TRDN: variants seen among roughly 807,000 people sequenced by gnomAD.
TRDN encodes the protein triadin.
Under a neutral mutation model 149.7 loss-of-function variants are expected in TRDN, and 161 were observed. The ratio of observed to expected loss-of-function variants is 1.08; its 90% CI spans 0.95 to 1.23. The LOEUF (loss-of-function observed/expected upper bound fraction) is 1.23. TRDN is among the 50% of genes most tolerant of loss of function. TRDN has a pLI of 0.00. For synonymous variants in TRDN, 294 were observed against 250.5 expected (o/e 1.17, Z -1.64); for missense variants, 896 against 823.5 (o/e 1.09, Z -1.08).
intron 12 of TRDN, among the ~76,000 whole-genome samples, chr6:123,400,167 G>GTATATATATATATATATATATA (rs374126829): frequency 0.016 from 1,962 of 122,850 alleles, 28 homozygotes; most frequent in Admixed American, 0.029. Flanking sequence ...ATATGTATGT[G>GTATATATATATATATATATATA]TATATATATA....
rs188420666 is a variant in TRDN at position 123,241,471 on chromosome 6, G to A, written c.1975+10941C>T. 3.1e-4 allele frequency among the ~76,000 whole-genome samples: 47 copies of A among 151,282 alleles called. 1 individual carries two copies. The South Asian group carries it at 4.4e-3, about 14-fold the overall frequency. On this transcript the variant is annotated intron_variant, in intron 38 of 40. Coordinates refer to ENST00000334268, the MANE Select transcript of TRDN (RefSeq NM_006073.4). The stretch of plus-strand genomic sequence containing the variant: ...ACTAATTTTCAAAGTGCTTAATTCT[G>A]ACATCTAAAATATCTATTATACTCT...
intron 20 of TRDN, among the ~76,000 whole-genome samples, chr6:123,361,921 A>G (rs367572219): frequency 6.6e-6 from 1 of 152,124 alleles, no homozygotes; most frequent in African/African-American, 2.4e-5. Context: ...ATACATCTCC[A>G]GCCTATCATT....
intron 23 of TRDN, among the ~76,000 whole-genome samples, chr6:123,319,036 C>A (rs760069370): frequency 4.6e-5 from 7 of 151,924 alleles, no homozygotes; most frequent in Non-Finnish European, 1.0e-4. Context: ...TAAAAGCAAG[C>A]TCATTTCCTA....
At chr6:123,635,136 G>T (rs529265572) in intron 1 of TRDN, among the ~76,000 whole-genome samples, 1 of 151,960 alleles carries the variant, frequency 6.6e-6, no homozygotes, top group African/African-American at 2.4e-5. Context: ...TAAGACGCTC[G>T]TAGCTATCTT....
intron 2 of TRDN, among the ~76,000 whole-genome samples, chr6:123,552,502 A>G (rs538885228): frequency 4.9e-4 from 75 of 152,246 alleles, no homozygotes; most frequent in Admixed American, 2.5e-3. Context: ...ACATTGGCAC[A>G]CAATGGTTAC....
chr6:123,495,399 A>G (rs929389947), intron 9 of TRDN, among the ~76,000 whole-genome samples: 3 of 151,850 alleles, frequency 2.0e-5, no homozygotes, highest in Non-Finnish European at 4.4e-5. Flanking sequence ...GGGGCCTGTA[A>G]TCCCAGCTAC....
intron 9 of TRDN, among the ~76,000 whole-genome samples, chr6:123,475,090 A>C (rs937390367): frequency 7.4e-5 from 11 of 147,676 alleles, no homozygotes; most frequent in African/African-American, 2.7e-4. Flanking sequence ...AGATACAAAA[A>C]ACCCTTCAAA....
intron 12 of TRDN, among the ~76,000 whole-genome samples, chr6:123,415,456 T>G (rs1773611135): frequency 6.6e-6 from 1 of 152,204 alleles, no homozygotes; most frequent in African/African-American, 2.4e-5. Context: ...CCATAGAACT[T>G]GCAGGTGACT....
At position 123,584,394 on chromosome 6, in the gene TRDN, TGCCTAG is replaced by T. The variant is rs1175196220; in HGVS notation, c.23-13268_23-13263del. Among the ~76,000 whole-genome samples, 160 of 112,854 alleles carry T rather than the reference TGCCTAG, an allele frequency of 1.4e-3. 1 individual carries two copies. Among genetic ancestry groups the T allele is most frequent in the African/African-American group, 3.9e-3 (151 of 38,940 alleles). 74.0% of individuals were successfully genotyped at this position (112,854 alleles called of 152,430 possible). On this transcript the variant is annotated intron_variant, in intron 1 of 40. Coordinates refer to ENST00000334268, the MANE Select transcript of TRDN (RefSeq NM_006073.4). ...CAGCAGCCGCTGCACGGAGACATGA[TGCCTAG>T]GCTAAAACAGTAAGGTCAAGTTGTT...
chr6:123,529,731 A>G (rs1279052029), intron 5 of TRDN, among the ~76,000 whole-genome samples: 1 of 152,056 alleles, frequency 6.6e-6, no homozygotes. Flanking sequence ...TGTCTGCATT[A>G]TACAAATATA....
At position 123,581,188 on chromosome 6, in the gene TRDN, A is replaced by T. The variant is rs943017352; in HGVS notation, c.23-10056T>A. The stretch of plus-strand genomic sequence containing the variant: ...CTGATGAATCTGTATTTATTTTTTT[A>T]AAACAATCTTATTAAATTCCCACTG... On this transcript the variant is annotated intron_variant, in intron 1 of 40. Transcript: ENST00000334268. Among the ~76,000 whole-genome samples, 17 of 152,146 alleles carry T rather than the reference A, an allele frequency of 1.1e-4. No homozygotes were observed. The East Asian group carries it at 2.7e-3, about 24-fold the overall frequency.
intron 19 of TRDN, among the ~76,000 whole-genome samples, chr6:123,373,606 A>C (rs1224561903): frequency 6.6e-6 from 1 of 152,086 alleles, no homozygotes. Flanking sequence ...TCCACTTTCC[A>C]GTTATGGCCT....
chr6:123,328,219 G>A (rs1237131277), intron 23 of TRDN, among the ~76,000 whole-genome samples: 1 of 152,134 alleles, frequency 6.6e-6, no homozygotes, highest in East Asian at 1.9e-4. Flanking sequence ...AATCTTCCCT[G>A]GTGGCAAGGG....
intron 38 of TRDN, among the ~76,000 whole-genome samples, chr6:123,229,369 C>T (rs1011582750): frequency 6.6e-6 from 1 of 151,846 alleles, no homozygotes; most frequent in Non-Finnish European, 1.5e-5. Flanking sequence ...TCAAGTAGTC[C>T]TTGTATTTTC....
intron 6 of TRDN, 64 bp from the exon 7 acceptor site, chr6:123,512,426 G>T: frequency 2.0e-6 from 2 of 982,640 alleles, no homozygotes; most frequent in South Asian, 3.2e-5. Context: ...GCTTTCTTTT[G>T]ACCTCAGTTT....
intron 4 of TRDN, 58 bp downstream of exon 4, chr6:123,547,282 G>A: frequency 9.2e-7 from 1 of 1,085,980 alleles, no homozygotes; most frequent in South Asian, 1.8e-5. Context: ...GAACCATGCT[G>A]AAAACCAATA....
At chr6:123,539,917 G>C (rs1024833742) in intron 4 of TRDN, among the ~76,000 whole-genome samples, 1 of 152,174 alleles carries the variant, frequency 6.6e-6, no homozygotes, top group Admixed American at 6.5e-5. Context: ...CCATTGTGGA[G>C]ATGTTACAAA....
intron 38 of TRDN, among the ~76,000 whole-genome samples, chr6:123,228,233 C>A (rs573212457): frequency 6.6e-6 from 1 of 151,998 alleles, no homozygotes; most frequent in Non-Finnish European, 1.5e-5. Flanking sequence ...GATTCAATGT[C>A]TCAGAGCTAT....
Position 123,636,066 on chromosome 6 carries a change from A to G in TRDN, c.22+688T>C, listed in dbSNP as rs148940442. ...TTAGAGGAAAATGAAGAATGAATTTACAAAAAGAACCAGAATTCTAACACT... is the reference window on the plus strand; with the variant it reads ...TTAGAGGAAAATGAAGAATGAATTTGCAAAAAGAACCAGAATTCTAACACT... On this transcript the variant is annotated intron_variant, in intron 1 of 40. Transcript: ENST00000334268. Among the ~76,000 whole-genome samples the G allele has an allele frequency of 4.6e-3, 693 of 152,120 alleles. 2 individuals are homozygous for G. Among genetic ancestry groups the G allele is most frequent in the African/African-American group, 0.015 (637 of 41,546 alleles).
Sources: gnomAD v4.1 joint callset for allele counts (sites outside exome capture counted in the v4.1 genomes callset) on GRCh38, gnomAD v4.1.1 for gene constraint, MANE v1.5 for transcripts, NCBI Gene and HGNC (gene_info 2026-07-23, HGNC 2026-07-21) for gene names.